Variants in BBOF1 observed in about 807,000 individuals in gnomAD.
BBOF1 encodes the protein basal body orientation factor 1.
In BBOF1, 62 loss-of-function variants were observed where a neutral mutation model predicts 68.0. The ratio of observed to expected loss-of-function variants is 0.91; its 90% CI spans 0.74 to 1.13. BBOF1 has a LOEUF of 1.13. Ranked by LOEUF, BBOF1 falls within the 50% of genes most tolerant of loss-of-function variation. The pLI is 0.00. For synonymous variants in BBOF1, 208 were observed against 198.8 expected (o/e 1.05, Z -0.39); for missense variants, 534 against 600.1 (o/e 0.89, Z 1.15).
intron 1 of BBOF1, among the ~76,000 whole-genome samples, chr14:74,021,366 A>C (rs1345617788): frequency 6.6e-6 from 1 of 152,110 alleles, no homozygotes; most frequent in Admixed American, 6.6e-5. Context: ...GGGGAAGATC[A>C]CTTGAGCCCA....
intron 11 of BBOF1, among the ~76,000 whole-genome samples, chr14:74,062,094 G>C (rs1161079847): frequency 6.7e-6 from 1 of 149,178 alleles, no homozygotes; most frequent in Non-Finnish European, 1.5e-5. Context: ...GGGCGTGGTG[G>C]AGCCTGAGGC....
At chr14:74,023,199 A>G (rs2059342838) in intron 2 of BBOF1, 55 bp downstream of exon 2, 2 of 958,922 alleles carry the variant, frequency 2.1e-6, no homozygotes, top group Non-Finnish European at 3.1e-6. Context: ...GGTGATGCTG[A>G]TGTGGTTATG....
At chr14:74,063,772 A>G (rs2060400602) in intron 11 of BBOF1, among the ~76,000 whole-genome samples, 1 of 151,036 alleles carries the variant, frequency 6.6e-6, no homozygotes, top group African/African-American at 2.4e-5. Flanking sequence ...AGGCTGAGGC[A>G]GGAGAATTGC....
intron 4 of BBOF1, among the ~76,000 whole-genome samples, chr14:74,036,110 C>G (rs1249187676): frequency 6.6e-6 from 1 of 151,700 alleles, no homozygotes; most frequent in Non-Finnish European, 1.5e-5. Context: ...CGCTAGAGTG[C>G]AGTGGCGCGA....
chr14:74,020,327 CAT>C, intron 1 of BBOF1, among the ~76,000 whole-genome samples: 1 of 152,006 alleles, frequency 6.6e-6, no homozygotes, highest in East Asian at 1.9e-4. Flanking sequence ...AACTCACTAA[CAT>C]ATGTTTTCAG....
At chr14:74,051,891 C>T (rs1380736045) in intron 8 of BBOF1, among the ~76,000 whole-genome samples, 1 of 151,600 alleles carries the variant, frequency 6.6e-6, no homozygotes, top group African/African-American at 2.4e-5. Context: ...CTAACATCTT[C>T]CAAATGTGTT....
chr14:74,072,462 C>T, intron 9 of BBOF1: 1 of 1,613,156 alleles, frequency 6.2e-7, no homozygotes, highest in Non-Finnish European at 8.5e-7. Flanking sequence ...CAACAGACAC[C>T]CAGGTCCCTT....
At chr14:74,068,817 A>G, downstream of BBOF1, 1 of 1,609,672 alleles carries the variant, frequency 6.2e-7, no homozygotes, top group Non-Finnish European at 8.5e-7. Flanking sequence ...GGTAATTTTC[A>G]TATATAGAAC....
At chr14:74,080,857 C>G (rs1220885627) in intron 10 of BBOF1, among the ~76,000 whole-genome samples, 1 of 152,204 alleles carries the variant, frequency 6.6e-6, no homozygotes, top group Non-Finnish European at 1.5e-5. Context: ...TTCCACTGCC[C>G]TTGGAATAAA....
Position 74,019,492 on chromosome 14 carries a change from G to T in BBOF1, c.14G>T (p.Gly5Val). The T allele has an allele frequency of 6.2e-7, 1 of 1,605,964 alleles. No individual in the cohort carries two copies. Among genetic ancestry groups the T allele is most frequent in the Non-Finnish European group, 8.5e-7 (1 of 1,176,066 alleles). ...GGGGAAGCCAAGATGCCGTCGAAGG[G>T]AAAGGACAAAAAGAAAGGCAAGAGC... is the stretch of plus-strand genomic sequence containing the variant. The part of the protein sequence containing the change: MPSK[G>V]KDKKKGKSKG... Residue 5 changes from glycine to valine, a missense_variant, in exon 1 of 12, where the codon GGA (glycine) becomes GTA (valine). By Grantham distance (109) the Gly-to-Val change is moderately radical. Transcript: ENST00000394009.
intron 9 of BBOF1, chr14:74,072,258 A>T (rs2060560797): frequency 6.2e-7 from 1 of 1,614,118 alleles, no homozygotes; most frequent in African/African-American, 1.3e-5. Context: ...GCGGCTTAAT[A>T]CTGAAGTGTC....
chr14:74,029,307 C>A, intron 3 of BBOF1, 58 bp downstream of exon 3: 1 of 1,141,056 alleles, frequency 8.8e-7, no homozygotes, highest in Non-Finnish European at 1.3e-6. Context: ...TTCTGGCAAG[C>A]TCAGGTATTT....
chr14:74,023,939 A>AAAAAAGAAAAG (rs1555370178), intron 2 of BBOF1, among the ~76,000 whole-genome samples: 12 of 151,318 alleles, frequency 7.9e-5, no homozygotes, highest in African/African-American at 2.7e-4. Flanking sequence ...AAAAAAAAAA[A>AAAAAAGAAAAG]AAAAGAAAAG....
chr14:74,020,655 C>G lies in BBOF1; in HGVS notation c.56+1121C>G, dbSNP rs565284007. Among the ~76,000 whole-genome samples, 9 of 152,310 alleles carry G rather than the reference C, an allele frequency of 5.9e-5. No individual in the cohort carries two copies. In the South Asian group the frequency reaches 1.7e-3, roughly 28 times the overall value. On this transcript the variant is annotated intron_variant, in intron 1 of 11. Transcript: ENST00000394009. ...AGTAGCTGTGATTACAGGCACCCGTCACCACGCCCAGCTAATTTTTTTATT... is the reference window on the plus strand; with the variant it reads ...AGTAGCTGTGATTACAGGCACCCGTGACCACGCCCAGCTAATTTTTTTATT...
At chr14:74,032,978 A>G (rs1371204028) in intron 3 of BBOF1, among the ~76,000 whole-genome samples, 1 of 147,330 alleles carries the variant, frequency 6.8e-6, no homozygotes, top group Non-Finnish European at 1.5e-5. Flanking sequence ...TCTTCCTCTC[A>G]GTCTTTTATG....
At chr14:74,043,647 C>T (rs1363270671) in intron 5 of BBOF1, among the ~76,000 whole-genome samples, 2 of 150,308 alleles carry the variant, frequency 1.3e-5, no homozygotes, top group East Asian at 4.1e-4. Flanking sequence ...TCACTGCAAC[C>T]TCTGCCTCCT....
At chr14:74,041,049 G>A (rs1283428988) in intron 5 of BBOF1, among the ~76,000 whole-genome samples, 3 of 152,200 alleles carry the variant, frequency 2.0e-5, no homozygotes, top group Non-Finnish European at 4.4e-5. Context: ...TGGGCACGGT[G>A]GCTCACGCCT....
At position 74,034,005 on chromosome 14, in the gene BBOF1, G is replaced by C. The variant is rs111518789; in HGVS notation, c.352-23G>C. 6.8e-4 allele frequency: 1,070 copies of C among 1,570,448 alleles called. 3 individuals carry two copies. The highest frequency in any genetic ancestry group is 5.6e-4 in the Non-Finnish European group (653 of 1,162,530). On this transcript the variant is annotated intron_variant, in intron 3 of 11. Transcript: ENST00000394009. ...GGACTTCTGTTCTTTTTCCTAACTC[G>C]TTTACCTCTTTTTTGAATACAGGAA...
At position 74,040,744 on chromosome 14, in the gene BBOF1, T is replaced by C. The variant is rs190351027; in HGVS notation, c.576+99T>C. ...ATCAGCCTTCCATTTGGTATCTTAA[T>C]AGAAGATTAGAAGATTGTTACCAAA... On this transcript the variant is annotated intron_variant, in intron 5 of 11. Coordinates refer to ENST00000394009, the MANE Select transcript of BBOF1 (RefSeq NM_025057.3). The C allele has an allele frequency of 9.8e-5, 64 of 651,502 alleles. No individual in the cohort carries two copies. In the East Asian group the frequency reaches 1.7e-3, roughly 17 times the overall value. The allele number at this position is 651,502 out of a possible 1,614,324, so 40.4% of individuals were successfully genotyped here.
Sources: gnomAD v4.1 joint callset for allele counts (sites outside exome capture counted in the v4.1 genomes callset) on GRCh38, gnomAD v4.1.1 for gene constraint, MANE v1.5 for transcripts, NCBI Gene and HGNC (gene_info 2026-07-23, HGNC 2026-07-21) for gene names.